The following TRAPPC14 variants were observed in gnomAD, a reference collection of about 807,000 sequenced individuals.
TRAPPC14 encodes the protein microtubule associated protein 11.
TRAPPC14 carries 24 observed loss-of-function variants against 56.6 expected under a neutral mutation model. That is an observed-to-expected ratio of 0.42 (90% CI 0.31 to 0.60). The LOEUF is 0.60. TRAPPC14 is among the 20% of genes least tolerant of loss of function. The pLI is 0.14. For synonymous variants in TRAPPC14, 377 were observed against 347.0 expected, an observed-to-expected ratio of 1.09 and a Z score of -0.96; for missense variants, 615 against 790.3, an observed-to-expected ratio of 0.78 and a Z score of 2.66.
Position 100,157,647 on chromosome 7 carries a change from G to T in TRAPPC14, c.623C>A (p.Ala208Asp), listed in dbSNP as rs760040718. The change falls in exon 3 of 11, where the codon GCT (alanine) becomes GAT (aspartate). Residue 208 changes from alanine to aspartate, a missense_variant. Coordinates refer to ENST00000316937, the MANE Select transcript of TRAPPC14 (RefSeq NM_018275.5). ...PGETFRGEQS[A>D]FKAQVSTLLT... ...GCCCTGCCCACCTTGGGCCTTGAAA[G>T]CGCTCTGCTCGCCCCGGAATGTCTC... is the stretch of plus-strand genomic sequence containing the variant. 1.9e-6 allele frequency: 3 copies of T among 1,614,182 alleles called. No individual in the cohort carries two copies. The Admixed American group carries it at 5.0e-5, about 27-fold the overall frequency.
rs1385891664 is a variant in TRAPPC14 at position 100,155,311 on chromosome 7, G to A, written c.1540C>T (p.Arg514Cys). Residue 514 changes from arginine (R) to cysteine (C), a missense_variant, in exon 10 of 11, where the codon CGC becomes TGC. Transcript: ENST00000316937. ...TGCTGGTGGGAGAAGGACTGGGAGC[G>A]GCCCAGGCTAGCCTGATGCCTCTCC... ...LVERHQASLG[R>C]SQSFSHQQPS... is the part of the protein sequence containing the mutation. The A allele has an allele frequency of 3.2e-6, 5 of 1,556,060 alleles. No homozygotes were observed. Among genetic ancestry groups the A allele is most frequent in the East Asian group, 4.8e-5 (2 of 41,358 alleles).
rs754905565 is a variant in TRAPPC14 at position 100,157,819 on chromosome 7, T to C, written c.507+24A>G. 10 of 1,613,004 alleles carry C rather than the reference T, an allele frequency of 6.2e-6. No individual in the cohort carries two copies. In the Admixed American group the frequency reaches 1.0e-4, roughly 16 times the overall value. The stretch of plus-strand genomic sequence containing the variant: ...GGAAAAGGTGTCTGAATTAGGACAA[T>C]AGCTCCACTCTTGCTCATCTTACCT... On this transcript the variant is annotated intron_variant, in intron 2 of 10. Transcript: ENST00000316937.
chr7:100,154,919 G>A lies in TRAPPC14; in HGVS notation c.*92C>T. 4.7e-6 allele frequency: 6 copies of A among 1,286,198 alleles called. No individual in the cohort carries two copies. Among genetic ancestry groups the A allele is most frequent in the Non-Finnish European group, 6.8e-6 (6 of 886,044 alleles). The allele number at this position is 1,286,198 out of a possible 1,614,324, so 79.7% of individuals were successfully genotyped here. On this transcript the variant is annotated 3_prime_UTR_variant, in exon 11 of 11. Transcript: ENST00000316937. ...CAGGCCTCTTCACCCCCGTCTGGGA[G>A]GCATCCCAGGGGAGGCACAGCCCGG...
chr7:100,157,822 C>T, intron 2 of TRAPPC14, 21 bp downstream of exon 2: 2 of 1,612,174 alleles, frequency 1.2e-6, no homozygotes, highest in Non-Finnish European at 8.5e-7. Flanking sequence ...AGGACAATAG[C>T]TCCACTCTTG....
Position 100,157,472 on chromosome 7 carries a change from G to A in TRAPPC14, c.638-13C>T. 1.2e-6 allele frequency: 2 copies of A among 1,610,690 alleles called. No individual in the cohort carries two copies. The highest frequency in any genetic ancestry group is 1.7e-6 in the Non-Finnish European group (2 of 1,178,340). On this transcript the variant is annotated splice_polypyrimidine_tract_variant and intron_variant, in intron 3 of 10. Transcript: ENST00000316937. The stretch of plus-strand genomic sequence containing the variant: ...AGCAGCGTGCTCACTGCGGGAGGGG[G>A]TGGGGGCAAGAAGTGATGGTCTGGA...
rs964153391 is a variant in TRAPPC14, at chr7:100,158,182, C to T, written c.318G>A (p.Gly106=). The T allele has an allele frequency of 2.1e-6, 3 of 1,453,638 alleles. No homozygotes were observed. The highest frequency in any genetic ancestry group is 1.5e-5 in the African/African-American group (1 of 68,088). 90.0% of individuals were successfully genotyped at this position (1,453,638 alleles called of 1,614,324 possible). A position where few individuals can be genotyped will look rare whatever the true frequency, so the allele number is the denominator to read the frequency against. Residue 106 remains glycine (G), a synonymous_variant, in exon 1 of 11, where the codon GGG becomes GGA. Transcript: ENST00000316937. ...GAGDQDSEPP[G]GGDPGGGGLF... is the part of the protein sequence containing the mutation. ...AACCCCCACCCCCAGGATCCCCTCC[C>T]CCTGGGGGCTCCGAATCCTGGTCGC...
chr7:100,158,106 A>G lies in TRAPPC14; in HGVS notation c.394T>C (p.Ser132Pro). 6 of 1,494,362 alleles carry G rather than the reference A, an allele frequency of 4.0e-6. No individual in the cohort carries two copies. The highest frequency in any genetic ancestry group is 5.3e-6 in the Non-Finnish European group (6 of 1,124,278). 92.6% of individuals were successfully genotyped at this position (1,494,362 alleles called of 1,614,324 possible). A position where few individuals can be genotyped will look rare whatever the true frequency, so the allele number is the denominator to read the frequency against. ...CTCCTCACCGTGGTCGCTCCCCCTG[A>G]GGTAGCAGGGCCCGGGCCGTGGGTG... ...LLTHGPGPAT[S>P]GGATTLPVEE... is the part of the protein sequence containing the mutation. The change falls in exon 1 of 11, where the codon TCA becomes CCA. Residue 132 changes from serine to proline, a missense_variant. By Grantham distance (74) the Ser-to-Pro change is moderately conservative. Coordinates refer to ENST00000316937, the MANE Select transcript of TRAPPC14 (RefSeq NM_018275.5).
Position 100,157,399 on chromosome 7 carries a change from G to C in TRAPPC14, c.698C>G (p.Ala233Gly), listed in dbSNP as rs755377319. 3.7e-6 allele frequency: 6 copies of C among 1,614,154 alleles called. No homozygotes were observed. The highest frequency in any genetic ancestry group is 5.1e-6 in the Non-Finnish European group (6 of 1,180,038). ...PVLRCRQFTV[A>G]GKHLTVLKVL... ...CTTGAGCACGGTCAAGTGTTTTCCA[G>C]CCACAGTGAACTGCCGGCATCTCAG... Residue 233 changes from alanine to glycine, a missense_variant, in exon 4 of 11, where the codon GCT (alanine) becomes GGT (glycine). Physicochemically the swap from Ala to Gly is moderately conservative, Grantham distance 60. Transcript: ENST00000316937.
chr7:100,155,388 C>T lies in TRAPPC14; in HGVS notation c.1463G>A (p.Arg488Gln), dbSNP rs373416018. Reference sequence around the variant, plus strand: ...GGGGCTGCTCTTGCGGGAGAGGGGCCGGGCCTCGGGTGGAGGGTGGGACAC... The same window carrying T: ...GGGGCTGCTCTTGCGGGAGAGGGGCTGGGCCTCGGGTGGAGGGTGGGACAC... ...ASVSHPPPEARPLSRKSSPSS... is the reference protein window; with the variant it reads ...ASVSHPPPEAQPLSRKSSPSS... Residue 488 changes from arginine to glutamine, a missense_variant, in exon 10 of 11, where the codon CGG (arginine) becomes CAG (glutamine). Physicochemically the swap from Arg to Gln is conservative, Grantham distance 43. Transcript: ENST00000316937. The T allele has an allele frequency of 6.5e-6, 10 of 1,547,662 alleles. No homozygotes were observed. Among genetic ancestry groups the T allele is most frequent in the African/African-American group, 4.1e-5 (3 of 73,044 alleles).
At chr7:100,155,900 A>C in intron 8 of TRAPPC14, 75 bp from the exon 9 acceptor site, 246 of 1,576,246 alleles carry the variant, frequency 1.6e-4, no homozygotes, top group Non-Finnish European at 2.0e-4. Context: ...GCACAGTCTC[A>C]TCTGATTCTC....
intron 8 of TRAPPC14, 81 bp from the exon 9 acceptor site, chr7:100,155,906 T>G (rs1193607739): frequency 6.4e-7 from 1 of 1,559,904 alleles, no homozygotes; most frequent in Admixed American, 1.7e-5. Flanking sequence ...TCTCATCTGA[T>G]TCTCAAAGCC....
intron 8 of TRAPPC14, chr7:100,156,141 C>T (rs1798875435): frequency 4.9e-6 from 3 of 614,420 alleles, no homozygotes; most frequent in Non-Finnish European, 8.8e-6. Context: ...AAGTAGAGTT[C>T]ACACCAGCGA....
intron 3 of TRAPPC14, 82 bp from the exon 4 acceptor site, chr7:100,157,541 C>A: frequency 6.2e-7 from 1 of 1,606,924 alleles, no homozygotes; most frequent in South Asian, 1.1e-5. Context: ...TTCCTCTTCT[C>A]AGAGCCCATT....
chr7:100,157,741 G>A lies in TRAPPC14; in HGVS notation c.529C>T (p.Arg177Trp), dbSNP rs1241852429. The change falls in exon 3 of 11, where the codon CGG becomes TGG. Residue 177 changes from arginine to tryptophan, a missense_variant. By Grantham distance (101) the Arg-to-Trp change is moderately radical (BLOSUM62 -3). Transcript: ENST00000316937. ...KAKIVVTVWK[R>W]EIEAPEVRDQ... ...CTGACCTCTGGTGCCTCAATCTCCC[G>A]CTTCCACACAGTCACTACAATCTGT... 6.2e-7 allele frequency: 1 copy of A among 1,614,044 alleles called. No individual in the cohort carries two copies. Among genetic ancestry groups the A allele is most frequent in the Non-Finnish European group, 8.5e-7 (1 of 1,180,040 alleles).
At chr7:100,156,225 G>C in intron 8 of TRAPPC14, 161 bp downstream of exon 8, 1 of 676,982 alleles carries the variant, frequency 1.5e-6, no homozygotes, top group Non-Finnish European at 2.5e-6. Context: ...CTAGGACACT[G>C]GGGAGACCAC....
Position 100,158,467 on chromosome 7 carries a change from G to A in TRAPPC14, c.33C>T (p.Phe11=). 7.3e-7 allele frequency: 1 copy of A among 1,377,084 alleles called. No homozygotes were observed. The highest frequency in any genetic ancestry group is 9.4e-7 in the Non-Finnish European group (1 of 1,068,296). The allele number at this position is 1,377,084 out of a possible 1,614,324, so 85.3% of individuals were successfully genotyped here. ...CGCGCGGCGGCAGCGGCACGGCCGG[G>A]AAGTACATCGAGTAGTCGCACTGGG... The part of the protein sequence containing the change: MESQCDYSMY[F]PAVPLPPRAE... The change falls in exon 1 of 11, where the codon TTC becomes TTT. Residue 11 remains phenylalanine, a synonymous_variant. Transcript: ENST00000316937.
At chr7:100,156,802 G>GC (rs1798890073) in intron 6 of TRAPPC14, 43 bp downstream of exon 6, 1 of 1,608,940 alleles carries the variant, frequency 6.2e-7, no homozygotes, top group African/African-American at 1.3e-5. Context: ...CCCTCCCACT[G>GC]CCTTATCACT....
chr7:100,156,249 G>A (rs1285637352), intron 8 of TRAPPC14, 137 bp downstream of exon 8: 20 of 822,126 alleles, frequency 2.4e-5, no homozygotes, highest in African/African-American at 5.1e-5. Context: ...GGTACAGGGC[G>A]GAAGCCACCT....
chr7:100,155,882 C>G (rs576464316), intron 8 of TRAPPC14, 57 bp from the exon 9 acceptor site: 1 of 1,606,328 alleles, frequency 6.2e-7, no homozygotes, highest in Non-Finnish European at 8.5e-7. Flanking sequence ...CCCACAGGGC[C>G]TTCGCCAGCA....
Sources: gnomAD v4.1 joint callset for allele counts on GRCh38, gnomAD v4.1.1 for gene constraint, MANE v1.5 for transcripts, NCBI Gene and HGNC (gene_info 2026-07-23, HGNC 2026-07-21) for gene names.